Variants in SLC29A1 observed in about 807,000 individuals in gnomAD.
SLC29A1 encodes the protein equilibrative nucleoside transporter 1.
In SLC29A1, 22 loss-of-function variants were observed where a neutral mutation model predicts 48.3. That is an observed-to-expected ratio of 0.46 (90% CI 0.33 to 0.65). The LOEUF is 0.65. Among genes scored for constraint, SLC29A1 ranks in the 30% least tolerant of loss-of-function variants. The pLI is 0.03. For missense variants in SLC29A1, 491 were observed against 575.3 expected (o/e 0.85, Z 1.50); for synonymous variants, 228 against 231.0 (o/e 0.99, Z 0.12).
At chr6:44,228,223 C>T (rs1362224793) in intron 2 of SLC29A1, among the ~76,000 whole-genome samples, 1 of 152,214 alleles carries the variant, frequency 6.6e-6, no homozygotes, top group Non-Finnish European at 1.5e-5. Flanking sequence ...GTCCCCACCT[C>T]CGCTCTCCTG....
intron 9 of SLC29A1, 46 bp from the exon 10 acceptor site, chr6:44,231,952 A>G: frequency 7.2e-7 from 1 of 1,388,830 alleles, no homozygotes; most frequent in Non-Finnish European, 1.0e-6. Flanking sequence ...ATGCACAGCC[A>G]CCATGAAGAC....
chr6:44,229,679 G>A lies in SLC29A1; in HGVS notation c.202G>A (p.Ala68Thr). The A allele has an allele frequency of 6.2e-7, 1 of 1,614,096 alleles. No individual in the cohort carries two copies. The highest frequency in any genetic ancestry group is 1.6e-4 in the Middle Eastern group (1 of 6,062). The change falls in exon 4 of 13, where the codon GCA (alanine) becomes ACA (threonine). Residue 68 changes from alanine (A) to threonine (T), a missense_variant. Ala to Thr is a moderately conservative substitution (Grantham distance 58). Coordinates refer to ENST00000371755, the MANE Select transcript of SLC29A1 (RefSeq NM_001372327.1). The surrounding 1 kb of genome is among the most constrained non-coding windows in gnomAD (Gnocchi z 5.1). ...CGCCCAGGCGTCAGCCGCCCCTGCA[G>A]CACCCTTGCCTGAGCGGAACTCTCT... The part of the protein sequence containing the change: ...KDAQASAAPA[A>T]PLPERNSLSA...
At chr6:44,231,901 G>A (rs1410987158) in intron 9 of SLC29A1, 97 bp from the exon 10 acceptor site, 1 of 871,130 alleles carries the variant, frequency 1.1e-6, no homozygotes, top group Non-Finnish European at 1.9e-6. Context: ...TGAGATTACA[G>A]GCGTGAGCCA....
At chr6:44,225,304 G>A (rs535119857) in intron 1 of SLC29A1, among the ~76,000 whole-genome samples, 13 of 152,068 alleles carry the variant, frequency 8.5e-5, no homozygotes, top group Admixed American at 5.2e-4. Flanking sequence ...TCGGGAGTTC[G>A]AAACCAGCCT....
At chr6:44,220,142 T>C (rs916152747), upstream of SLC29A1, among the ~76,000 whole-genome samples, 2 of 152,192 alleles carry the variant, frequency 1.3e-5, no homozygotes, top group Non-Finnish European at 2.9e-5. Context: ...CACACCTGTC[T>C]TTACTTAAAA....
rs1336783939 is a variant in SLC29A1, at chr6:44,232,824, C to T, written c.1077C>T (p.Arg359=). The change falls in exon 12 of 13, where the codon CGC becomes CGT. Residue 359 remains arginine, a synonymous_variant. Transcript: ENST00000371755. The surrounding 1 kb of genome is among the most constrained non-coding windows in gnomAD (Gnocchi z 4.7). Reference sequence around the variant, plus strand: ...GCCCACAGCCTGGGAAGGACAGCCGCTGGCTGCCAAGCCTGGTGCTGGCCC... The same window carrying T: ...GCCCACAGCCTGGGAAGGACAGCCGTTGGCTGCCAAGCCTGGTGCTGGCCC... ...AVFMWPGKDS[R]WLPSLVLARL... The T allele has an allele frequency of 3.7e-6, 6 of 1,612,044 alleles. No individual in the cohort carries two copies. Among genetic ancestry groups the T allele is most frequent in the Non-Finnish European group, 4.2e-6 (5 of 1,179,994 alleles).
Position 44,230,443 on chromosome 6 carries a change from G to T in SLC29A1, c.551G>T (p.Gly184Val). ...ATCATGAGTGGCCAGGGCCTAGCAG[G>T]CTTCTTTGCCTCCGTGGCCATGATC... is the stretch of plus-strand genomic sequence containing the variant. The part of the protein sequence containing the change: ...APIMSGQGLA[G>V]FFASVAMICA... Residue 184 changes from glycine to valine, a missense_variant, in exon 6 of 13, where the codon GGC (glycine) becomes GTC (valine). Gly to Val is a moderately radical substitution (Grantham distance 109, BLOSUM62 -3). Coordinates refer to ENST00000371755, the MANE Select transcript of SLC29A1 (RefSeq NM_001372327.1). 1 of 1,613,962 alleles carries T rather than the reference G, an allele frequency of 6.2e-7. No homozygotes were observed. The highest frequency in any genetic ancestry group is 1.1e-5 in the South Asian group (1 of 91,090).
chr6:44,223,863 C>A lies in SLC29A1; in HGVS notation c.-52+222C>A. ...TGCGGGGACCGGGACCCAAGCTGGG[C>A]GGGGCGGCCTGGCTCCCGGGCCTAA... On this transcript the variant is annotated intron_variant, in intron 1 of 12. Coordinates refer to ENST00000371755, the MANE Select transcript of SLC29A1 (RefSeq NM_001372327.1). The surrounding 1 kb of genome is among the most constrained non-coding windows in gnomAD (Gnocchi z 5.0). 2.0e-6 allele frequency: 2 copies of A among 998,012 alleles called. No homozygotes were observed. The highest frequency in any genetic ancestry group is 1.2e-6 in the Non-Finnish European group (1 of 838,036). 61.8% of individuals were successfully genotyped at this position (998,012 alleles called of 1,614,324 possible).
At chr6:44,231,593 G>A (rs555740718) in intron 9 of SLC29A1, 132 bp downstream of exon 9, 14 of 667,444 alleles carry the variant, frequency 2.1e-5, no homozygotes, top group Admixed American at 7.5e-5. Flanking sequence ...TTGTGTGTGC[G>A]TGCGTGCCCA....
Position 44,223,873 on chromosome 6 carries a change from T to C in SLC29A1, c.-52+232T>C. On this transcript the variant is annotated intron_variant, in intron 1 of 12. Coordinates refer to ENST00000371755, the MANE Select transcript of SLC29A1 (RefSeq NM_001372327.1). This position sits in a 1 kb window ranked among gnomAD's most constrained non-coding sequence, Gnocchi z 5.0. ...GGGACCCAAGCTGGGCGGGGCGGCC[T>C]GGCTCCCGGGCCTAAAACAGGCTGC... The C allele has an allele frequency of 2.0e-6, 2 of 998,320 alleles. No homozygotes were observed. Among genetic ancestry groups the C allele is most frequent in the Non-Finnish European group, 2.4e-6 (2 of 838,412 alleles). 61.8% of individuals were successfully genotyped at this position (998,320 alleles called of 1,614,324 possible).
At chr6:44,227,489 C>CG in intron 2 of SLC29A1, 147 bp downstream of exon 2, 1 of 699,468 alleles carries the variant, frequency 1.4e-6, no homozygotes, top group Non-Finnish European at 2.5e-6. Flanking sequence ...GGTGGGGACC[C>CG]CGTGTGCCTT....
At position 44,232,655 on chromosome 6, in the gene SLC29A1, G is replaced by C. The variant is rs774208618; in HGVS notation, c.1060-152G>C. On this transcript the variant is annotated intron_variant, in intron 11 of 12. Coordinates refer to ENST00000371755, the MANE Select transcript of SLC29A1 (RefSeq NM_001372327.1). The surrounding 1 kb of genome is among the most constrained non-coding windows in gnomAD (Gnocchi z 4.7). ...TAGAATATTTCCAGCACTCCAGAAGGCTCCACCATGCCCCTTTCAAGAGTA... is the reference window on the plus strand; with the variant it reads ...TAGAATATTTCCAGCACTCCAGAAGCCTCCACCATGCCCCTTTCAAGAGTA... 7.1e-5 allele frequency: 50 copies of C among 706,992 alleles called. No individual in the cohort carries two copies. Among genetic ancestry groups the C allele is most frequent in the Admixed American group, 6.6e-4 (27 of 40,660 alleles). The allele number at this position is 706,992 out of a possible 1,614,324, so 43.8% of individuals were successfully genotyped here.
chr6:44,220,904 A>C (rs1363810159), upstream of SLC29A1, among the ~76,000 whole-genome samples: 1 of 152,066 alleles, frequency 6.6e-6, no homozygotes, highest in Non-Finnish European at 1.5e-5. Context: ...TTTTCAGACA[A>C]GGTCTTGCTC....
At position 44,229,949 on chromosome 6, in the gene SLC29A1, C is replaced by G. The variant is rs1331704130; in HGVS notation, c.357C>G (p.Ile119Met). ...SVRILGSLVAILLVFLITAIL... is the reference protein window; with the variant it reads ...SVRILGSLVAMLLVFLITAIL... The stretch of plus-strand genomic sequence containing the variant: ...GGATCCTGGGCAGCCTGGTGGCCAT[C>G]CTGCTGGTGTTTCTGATCACTGCCA... Residue 119 changes from isoleucine (I) to methionine (M), a missense_variant, in exon 5 of 13, where the codon ATC (isoleucine) becomes ATG (methionine). Ile to Met is a conservative substitution (Grantham distance 10, BLOSUM62 1). Transcript: ENST00000371755. This position sits in a 1 kb window ranked among gnomAD's most constrained non-coding sequence, Gnocchi z 5.1. The G allele has an allele frequency of 1.9e-6, 3 of 1,613,350 alleles. No individual in the cohort carries two copies. Among genetic ancestry groups the G allele is most frequent in the Non-Finnish European group, 2.5e-6 (3 of 1,180,004 alleles).
upstream of SLC29A1, among the ~76,000 whole-genome samples, chr6:44,221,965 C>G (rs1050394314): frequency 2.6e-5 from 4 of 152,198 alleles, no homozygotes; most frequent in Admixed American, 6.5e-5. This position sits in a 1 kb window ranked among gnomAD's most constrained non-coding sequence, Gnocchi z 4.2. Flanking sequence ...CTGTACACAA[C>G]TGCAGCCACT....
chr6:44,228,515 T>C (rs1778089512), intron 2 of SLC29A1, among the ~76,000 whole-genome samples: 1 of 152,244 alleles, frequency 6.6e-6, no homozygotes, highest in Non-Finnish European at 1.5e-5. Context: ...TCCTGCACTC[T>C]GGCCAGGCCT....
chr6:44,233,864 G>C lies in SLC29A1; in HGVS notation c.*336G>C. On this transcript the variant is annotated 3_prime_UTR_variant, in exon 13 of 13. Transcript: ENST00000371755. ...CACGTGTGTCTCTGTGTATGTGTCT[G>C]TGTGTCTGCGTCCGTGTCTGTCAGA... is the stretch of plus-strand genomic sequence containing the variant. The C allele has an allele frequency of 3.4e-6, 1 of 295,244 alleles. No individual in the cohort carries two copies. Among genetic ancestry groups the C allele is most frequent in the Non-Finnish European group, 6.5e-6 (1 of 154,682 alleles). The allele number at this position is 295,244 out of a possible 1,614,324, so 18.3% of individuals were successfully genotyped here.
rs199777505 is a variant in SLC29A1, at chr6:44,229,902, G to A, written c.315-5G>A. ...GTCTCTGCCACCCTTGGCCTCTCCC[G>A]GCAGGATCCCCCAGTCCGTACGGAT... On this transcript the variant is annotated splice_polypyrimidine_tract_variant and splice_region_variant and intron_variant, in intron 4 of 12. Coordinates refer to ENST00000371755, the MANE Select transcript of SLC29A1 (RefSeq NM_001372327.1). This position sits in a 1 kb window ranked among gnomAD's most constrained non-coding sequence, Gnocchi z 5.1. The A allele has an allele frequency of 1.3e-5, 21 of 1,612,556 alleles. No homozygotes were observed. Among genetic ancestry groups the A allele is most frequent in the South Asian group, 5.5e-5 (5 of 91,066 alleles).
At chr6:44,224,157 TGA>T (rs1223759022) in intron 1 of SLC29A1, among the ~76,000 whole-genome samples, 1 of 152,070 alleles carries the variant, frequency 6.6e-6, no homozygotes, top group Admixed American at 6.6e-5. Flanking sequence ...TGATTTACTG[TGA>T]GGGTATATGA....
Sources: allele counts gnomAD v4.1 joint callset (sites outside exome capture counted in the v4.1 genomes callset), GRCh38; gene constraint gnomAD v4.1.1; non-coding constraint Gnocchi (gnomAD v3.1); transcripts MANE v1.5; gene names NCBI Gene and HGNC (gene_info 2026-07-23, HGNC 2026-07-21).